TRIO: variants seen among roughly 807,000 people sequenced by gnomAD.
TRIO encodes triple functional domain protein.
TRIO carries 58 observed loss-of-function variants against 351.9 expected under a neutral mutation model. That is an observed-to-expected ratio of 0.16 (90% CI 0.13 to 0.21). The LOEUF is 0.21. Ranked by LOEUF, TRIO falls within the 10% of genes least tolerant of loss-of-function variation. TRIO has a pLI of 1.00. For missense variants in TRIO, 3,201 were observed against 4,027.8 expected, an observed-to-expected ratio of 0.79 and a Z score of 5.56; for synonymous variants, 1,758 against 1,595.7, an observed-to-expected ratio of 1.10 and a Z score of -2.42.
At chr5:14,287,714 T>G (rs553148562) in intron 4 of TRIO, among the ~76,000 whole-genome samples, 1 of 152,154 alleles carries the variant, frequency 6.6e-6, no homozygotes, top group South Asian at 2.1e-4. Flanking sequence ...GCAGTTAGTT[T>G]AATGAGATGA....
At chr5:14,179,873 C>T (rs1029041315) in intron 1 of TRIO, among the ~76,000 whole-genome samples, 1 of 151,938 alleles carries the variant, frequency 6.6e-6, no homozygotes, top group African/African-American at 2.4e-5. Context: ...GGGTGGATCA[C>T]CTGAGGTTGG....
intron 1 of TRIO, among the ~76,000 whole-genome samples, chr5:14,247,466 T>G (rs1581439642): frequency 6.6e-6 from 1 of 152,264 alleles, no homozygotes; most frequent in Admixed American, 6.5e-5. Context: ...AAAAGTCTTT[T>G]AAGGAATATG....
chr5:14,187,175 A>G (rs778019124), intron 1 of TRIO, among the ~76,000 whole-genome samples: 1 of 152,202 alleles, frequency 6.6e-6, no homozygotes, highest in Non-Finnish European at 1.5e-5. Flanking sequence ...TATAGTGTCA[A>G]CTGCAAAAAG....
At chr5:14,445,472 A>G (rs998983805) in intron 34 of TRIO, among the ~76,000 whole-genome samples, 10 of 152,200 alleles carry the variant, frequency 6.6e-5, no homozygotes, top group Non-Finnish European at 1.0e-4. Context: ...TATATGTAAA[A>G]TGATGCTTCT....
At chr5:14,201,887 G>A (rs531513284) in intron 1 of TRIO, among the ~76,000 whole-genome samples, 5 of 148,342 alleles carry the variant, frequency 3.4e-5, no homozygotes, top group Admixed American at 1.4e-4. Context: ...TGAAAATTGC[G>A]TGTTCTCACT....
intron 34 of TRIO, among the ~76,000 whole-genome samples, chr5:14,458,025 A>C (rs115716951): frequency 0.017 from 2,590 of 151,132 alleles, 37 homozygotes; most frequent in South Asian, 0.054. Flanking sequence ...TTTTACTAAA[A>C]TAAGTGGGCC....
chr5:14,499,621 G>A (rs1044013417), intron 53 of TRIO, among the ~76,000 whole-genome samples: 1 of 151,882 alleles, frequency 6.6e-6, no homozygotes, highest in African/African-American at 2.4e-5. Flanking sequence ...TTTGGATCAT[G>A]GAACAAGAAA....
intron 1 of TRIO, among the ~76,000 whole-genome samples, chr5:14,248,342 C>T (rs1219422227): frequency 6.6e-6 from 1 of 152,060 alleles, no homozygotes; most frequent in African/African-American, 2.4e-5. Flanking sequence ...CCCTTCTGTT[C>T]AGACACTTGC....
chr5:14,497,084 G>T lies in TRIO; in HGVS notation c.8019+67G>T, dbSNP rs980459321. ...GAGAGAAAGGATCAGGGAGGGCAGA[G>T]ACTCTGCAGACCTGAAGCTGGGCTT... On this transcript the variant is annotated intron_variant, in intron 50 of 56. Coordinates refer to ENST00000344204, the MANE Select transcript of TRIO (RefSeq NM_007118.4). This position sits in a 1 kb window ranked among gnomAD's most constrained non-coding sequence, Gnocchi z 4.4. 3.2e-6 allele frequency: 5 copies of T among 1,583,570 alleles called. No homozygotes were observed. Among genetic ancestry groups the T allele is most frequent in the Admixed American group, 3.6e-5 (2 of 56,070 alleles).
intron 18 of TRIO, among the ~76,000 whole-genome samples, chr5:14,371,071 G>A (rs256417): frequency 0.85 from 129,316 of 152,236 alleles, 55,100 homozygotes; most frequent in African/African-American, 0.88. Flanking sequence ...AGCATTCAAT[G>A]AATTACATGG....
chr5:14,381,103 G>A, intron 20 of TRIO, 27 bp from the exon 21 acceptor site: 1 of 1,607,754 alleles, frequency 6.2e-7, no homozygotes, highest in South Asian at 1.1e-5. Flanking sequence ...GTAGCCCTCT[G>A]ACTCCATTCA....
intron 1 of TRIO, among the ~76,000 whole-genome samples, chr5:14,145,863 G>C (rs1399159044): frequency 6.6e-6 from 1 of 152,210 alleles, no homozygotes; most frequent in Non-Finnish European, 1.5e-5. Flanking sequence ...GCTTAGGCCT[G>C]TGCTGCCCCC....
chr5:14,287,149 T>TA, intron 4 of TRIO, 86 bp downstream of exon 4: 1 of 1,297,492 alleles, frequency 7.7e-7, no homozygotes, highest in Non-Finnish European at 1.1e-6. Flanking sequence ...ATTTTTTTTT[T>TA]AAACCACATA....
chr5:14,432,638 C>T (rs183683409), intron 34 of TRIO, among the ~76,000 whole-genome samples: 1 of 152,318 alleles, frequency 6.6e-6, no homozygotes, highest in African/African-American at 2.4e-5. Context: ...CCAGATTTCT[C>T]CTCTTCCTAC....
rs764912247 is a variant in TRIO at position 14,176,943 on chromosome 5, A to G, written c.157+33061A>G. Among the ~76,000 whole-genome samples, 112 of 152,336 alleles carry G rather than the reference A, an allele frequency of 7.4e-4. 4 individuals are homozygous for G. Among genetic ancestry groups the G allele is most frequent in the Middle Eastern group, 3.4e-3 (1 of 294 alleles). On this transcript the variant is annotated intron_variant, in intron 1 of 56. Coordinates refer to ENST00000344204, the MANE Select transcript of TRIO (RefSeq NM_007118.4). ...CACATATTACAGGGTTGATAATATT[A>G]TAATAGATTCATTTTAGAAATGAAA...
Position 14,369,466 on chromosome 5 carries a change from G to GTGCTTGCT in TRIO, c.3159_3160insTGCTTGCT (p.Asp1054CysfsTer6), listed in dbSNP as rs1651427082. The GTGCTTGCT allele has an allele frequency of 6.2e-7, 1 of 1,614,062 alleles. No homozygotes were observed. Among genetic ancestry groups the GTGCTTGCT allele is most frequent in the Non-Finnish European group, 8.5e-7 (1 of 1,180,002 alleles). On this transcript the variant is annotated frameshift_variant, in exon 18 of 57. Coordinates refer to ENST00000344204, the MANE Select transcript of TRIO (RefSeq NM_007118.4). LOFTEE classifies it high-confidence loss of function. ...ATAAGCTGGGCCCAAACTCTGAGAC[G>GTGCTTGCT]GACCACGTGACGCCCATGATCAGCA... is the stretch of plus-strand genomic sequence containing the variant.
At chr5:14,196,675 C>T (rs1049659310) in intron 1 of TRIO, among the ~76,000 whole-genome samples, 3 of 152,176 alleles carry the variant, frequency 2.0e-5, no homozygotes, top group African/African-American at 7.2e-5. Context: ...AGATGAGGCA[C>T]CTGGTGCCTG....
intron 34 of TRIO, among the ~76,000 whole-genome samples, chr5:14,424,401 T>A (rs1262473536): frequency 6.6e-6 from 1 of 152,218 alleles, no homozygotes; most frequent in Non-Finnish European, 1.5e-5. Flanking sequence ...TTTTTTCTCC[T>A]TTGGATAGAG....
chr5:14,214,131 A>G (rs923048038), intron 1 of TRIO, among the ~76,000 whole-genome samples: 11 of 152,200 alleles, frequency 7.2e-5, no homozygotes, highest in Admixed American at 4.6e-4. Flanking sequence ...CTGGAAATCA[A>G]TCAGATTCCT....
Sources: allele counts gnomAD v4.1 joint callset (sites outside exome capture counted in the v4.1 genomes callset), GRCh38; gene constraint gnomAD v4.1.1; non-coding constraint Gnocchi (gnomAD v3.1); transcripts MANE v1.5; gene names NCBI Gene and HGNC (gene_info 2026-07-23, HGNC 2026-07-21).